DZANK1: variants seen among roughly 807,000 people sequenced by gnomAD.
The protein encoded by DZANK1 is double zinc ribbon and ankyrin repeat-containing protein 1.
In DZANK1, 91 loss-of-function variants were observed where a neutral mutation model predicts 94.5. The observed-to-expected ratio is 0.96, with a 90% CI of 0.81 to 1.15. DZANK1 has a LOEUF of 1.15. Ranked by LOEUF, DZANK1 falls within the 50% of genes most tolerant of loss-of-function variation. The probability of loss-of-function intolerance (pLI) is 0.00; values close to 1 mark genes in which losing one functional copy is unlikely to be tolerated. For synonymous variants in DZANK1, 312 were observed against 325.3 expected, an observed-to-expected ratio of 0.96 and a Z score of 0.44; for missense variants, 903 against 916.4, an observed-to-expected ratio of 0.99 and a Z score of 0.19.
At chr20:18,405,345 T>C (rs1222459525) in intron 13 of DZANK1, among the ~76,000 whole-genome samples, 1 of 151,284 alleles carries the variant, frequency 6.6e-6, no homozygotes, top group African/African-American at 2.4e-5. Context: ...CAACAGTAAA[T>C]GTGAAGTAGG....
In DZANK1 at chr20:18,453,655, C is replaced by T; in HGVS notation, c.475+76G>A. The T allele has an allele frequency of 5.9e-6, 6 of 1,009,202 alleles. No homozygotes were observed. The South Asian group carries it at 8.3e-5, about 14-fold the overall frequency. 62.5% of individuals were successfully genotyped at this position (1,009,202 alleles called of 1,614,324 possible). A position where few individuals can be genotyped will look rare whatever the true frequency, so the allele number is the denominator to read the frequency against. On this transcript the variant is annotated intron_variant, in intron 5 of 20. Coordinates refer to ENST00000262547, the Ensembl canonical transcript of DZANK1. Reference sequence around the variant, plus strand: ...TCCAACACTTCTCCAGACAAGAAAACATGCAACGAACATGCCATGAACCTC... The same window carrying T: ...TCCAACACTTCTCCAGACAAGAAAATATGCAACGAACATGCCATGAACCTC...
chr20:18,454,924 G>A (rs1165806406), intron 4 of DZANK1, among the ~76,000 whole-genome samples: 1 of 152,208 alleles, frequency 6.6e-6, no homozygotes, highest in Non-Finnish European at 1.5e-5. Context: ...GACAGACCAG[G>A]AAAAGCTGAC....
At chr20:18,456,007 G>A (rs2059273452) in intron 3 of DZANK1, among the ~76,000 whole-genome samples, 1 of 152,210 alleles carries the variant, frequency 6.6e-6, no homozygotes, top group Non-Finnish European at 1.5e-5. Flanking sequence ...TCAAAAGCAA[G>A]TCACAACACC....
At chr20:18,459,880 C>G (rs1378883198) in intron 3 of DZANK1, among the ~76,000 whole-genome samples, 1 of 152,146 alleles carries the variant, frequency 6.6e-6, no homozygotes, top group African/African-American at 2.4e-5. Context: ...AAGGATCTTC[C>G]TTCCTGAAAC....
intron 8 of DZANK1, among the ~76,000 whole-genome samples, chr20:18,442,021 T>G (rs1039722152): frequency 6.6e-6 from 1 of 152,182 alleles, no homozygotes; most frequent in African/African-American, 2.4e-5. Context: ...TGGGTCTAAG[T>G]AGGATCCTGC....
exon 8 of DZANK1, chr20:18,443,368 G>C: frequency 1.3e-6 from 2 of 1,550,488 alleles, no homozygotes; most frequent in Non-Finnish European, 1.7e-6. Flanking sequence ...CTGGGGGTGG[G>C]AGACGACAGC....
chr20:18,410,935 A>G (rs1425998480), intron 13 of DZANK1, among the ~76,000 whole-genome samples: 3 of 152,228 alleles, frequency 2.0e-5, no homozygotes, highest in Non-Finnish European at 4.4e-5. Context: ...TGGGTGACAA[A>G]GTGAGATCCT....
At chr20:18,427,383 C>T (rs770150532) in intron 9 of DZANK1, among the ~76,000 whole-genome samples, 20 of 151,600 alleles carry the variant, frequency 1.3e-4, no homozygotes, top group Non-Finnish European at 2.8e-4. Context: ...AGATGGGATC[C>T]GACTGTGTTG....
At chr20:18,444,459 G>A (rs1034522600) in intron 7 of DZANK1, among the ~76,000 whole-genome samples, 1 of 152,242 alleles carries the variant, frequency 6.6e-6, no homozygotes, top group Non-Finnish European at 1.5e-5. Flanking sequence ...CCAGAGAAGA[G>A]CTGCAGGGAG....
intron 2 of DZANK1, among the ~76,000 whole-genome samples, chr20:18,463,779 C>T (rs1230182757): frequency 6.6e-6 from 1 of 152,042 alleles, no homozygotes; most frequent in Non-Finnish European, 1.5e-5. Context: ...AATACATATG[C>T]TTAGTTAGAA....
At chr20:18,385,808 T>C (rs1284866781) in intron 19 of DZANK1, among the ~76,000 whole-genome samples, 1 of 152,076 alleles carries the variant, frequency 6.6e-6, no homozygotes, top group Non-Finnish European at 1.5e-5. Flanking sequence ...TTACATGATA[T>C]GAAAATAAAC....
rs2059603511 is a variant in DZANK1, at chr20:18,465,236, T to C, written c.109+14A>G. The C allele has an allele frequency of 6.7e-7, 1 of 1,488,376 alleles. No homozygotes were observed. Among genetic ancestry groups the C allele is most frequent in the Non-Finnish European group, 9.2e-7 (1 of 1,084,800 alleles). The allele number at this position is 1,488,376 out of a possible 1,614,324, so 92.2% of individuals were successfully genotyped here. A position where few individuals can be genotyped will look rare whatever the true frequency, so the allele number is the denominator to read the frequency against. ...ATGTTATTTTAAACAATTTCAAACATATGTGATTCTTACCTGATTTCATTT... is the reference window on the plus strand; with the variant it reads ...ATGTTATTTTAAACAATTTCAAACACATGTGATTCTTACCTGATTTCATTT... On this transcript the variant is annotated intron_variant, in intron 2 of 20. Coordinates refer to ENST00000262547, the Ensembl canonical transcript of DZANK1.
At chr20:18,443,702 T>C (rs979062020) in intron 7 of DZANK1, among the ~76,000 whole-genome samples, 2 of 152,232 alleles carry the variant, frequency 1.3e-5, no homozygotes, top group Non-Finnish European at 2.9e-5. Context: ...CAAGTCCATA[T>C]AACTTCTTGA....
intron 12 of DZANK1, among the ~76,000 whole-genome samples, chr20:18,413,993 T>G (rs73902460): frequency 1.0e-3 from 156 of 152,282 alleles, no homozygotes; most frequent in Middle Eastern, 3.4e-3. Context: ...GTGAGATTTG[T>G]CCTCAAACTA....
At chr20:18,463,475 C>A (rs1234742419) in intron 2 of DZANK1, among the ~76,000 whole-genome samples, 1 of 150,320 alleles carries the variant, frequency 6.7e-6, no homozygotes, top group Non-Finnish European at 1.5e-5. Flanking sequence ...GCACATGTAC[C>A]CCCAAGCCTA....
intron 19 of DZANK1, 99 bp downstream of exon 19, chr20:18,389,602 A>G: frequency 1.3e-6 from 2 of 1,495,438 alleles, no homozygotes; most frequent in Non-Finnish European, 1.8e-6. Context: ...AGTGGCTGAA[A>G]CTGAACAGGG....
intron 3 of DZANK1, among the ~76,000 whole-genome samples, chr20:18,458,742 C>T (rs905998307): frequency 1.3e-5 from 2 of 152,152 alleles, no homozygotes; most frequent in African/African-American, 4.8e-5. Flanking sequence ...GGTCTTGATG[C>T]TCCCAGAACG....
At chr20:18,461,627 T>G (rs1271742971) in intron 2 of DZANK1, among the ~76,000 whole-genome samples, 1 of 151,546 alleles carries the variant, frequency 6.6e-6, no homozygotes, top group Non-Finnish European at 1.5e-5. Context: ...GAGACGGAGT[T>G]TCACTCCTGT....
intron 7 of DZANK1, among the ~76,000 whole-genome samples, chr20:18,447,999 T>G (rs889904788): frequency 6.6e-6 from 1 of 152,198 alleles, no homozygotes; most frequent in African/African-American, 2.4e-5. Flanking sequence ...TTTTATTGTA[T>G]CTGTTAATTT....
Sources: gnomAD v4.1 joint callset for allele counts (sites outside exome capture counted in the v4.1 genomes callset) on GRCh38, gnomAD v4.1.1 for gene constraint, MANE v1.5 for transcripts, NCBI Gene and HGNC (gene_info 2026-07-23, HGNC 2026-07-21) for gene names.